DIAPH2: variants seen among roughly 807,000 people sequenced by gnomAD.
DIAPH2 encodes diaphanous related formin 2.
DIAPH2 carries 35 observed loss-of-function variants against 92.7 expected under a neutral mutation model. That is an observed-to-expected ratio of 0.38 (90% confidence interval 0.29 to 0.50). The LOEUF (loss-of-function observed/expected upper bound fraction) is 0.50. Among genes scored for constraint, DIAPH2 ranks in the 20% least tolerant of loss-of-function variants. The probability of loss-of-function intolerance (pLI) is 0.94; values close to 1 mark genes in which losing one functional copy is unlikely to be tolerated. For missense variants in DIAPH2, 701 were observed against 819.5 expected, an observed-to-expected ratio of 0.86 and a Z score of 1.77; for synonymous variants, 301 against 280.4, an observed-to-expected ratio of 1.07 and a Z score of -0.73.
chrX:97,512,098 T>G (rs2070899246), intron 26 of DIAPH2, among the ~76,000 whole-genome samples: 1 of 112,887 alleles, frequency 8.9e-6, no homozygotes, highest in Non-Finnish European at 1.9e-5. Context: ...CAGTTCCTCC[T>G]TGTACCTCTG....
chrX:97,351,663 C>T (rs1321312255), intron 24 of DIAPH2, among the ~76,000 whole-genome samples: 7 of 110,670 alleles, frequency 6.3e-5, no homozygotes, highest in Non-Finnish European at 1.1e-4. Flanking sequence ...ATTAGCCGGG[C>T]GTGGTGGCGG....
intron 17 of DIAPH2, among the ~76,000 whole-genome samples, chrX:97,025,678 C>A (rs930699848): frequency 3.0e-4 from 33 of 109,752 alleles, no homozygotes; most frequent in Non-Finnish European, 3.8e-4. Flanking sequence ...AACAAACAAA[C>A]AAAAAAACAA....
chrX:96,962,270 T>TATAC (rs1195638096), intron 16 of DIAPH2, among the ~76,000 whole-genome samples: 3 of 83,363 alleles, frequency 3.6e-5, no homozygotes, highest in African/African-American at 1.3e-4. Flanking sequence ...TCTATATATA[T>TATAC]ATACATATAT....
chrX:96,942,563 T>C (rs775976338), intron 13 of DIAPH2, among the ~76,000 whole-genome samples: 119 of 111,361 alleles, frequency 1.1e-3, no homozygotes, highest in Non-Finnish European at 2.1e-3. Context: ...AGAAAAGAAA[T>C]ACAGGCTCAT....
rs376871842 is a variant in DIAPH2 at position 97,185,343 on chromosome X, A to G, written c.2719+43549A>G. On this transcript the variant is annotated intron_variant, in intron 22 of 26. Transcript: ENST00000324765. ...TATATATGTGTATATATATATATGT[A>G]TATATATATGTGTGTATATATATAT... is the stretch of plus-strand genomic sequence containing the variant. Among the ~76,000 whole-genome samples the G allele has an allele frequency of 1.2e-3, 5 of 4,030 alleles. 1 individual carries two copies. The Admixed American group carries it at 0.025, about 20-fold the overall frequency. The allele number at this position is 4,030 out of a possible 115,157, so 3.5% of individuals were successfully genotyped here.
intron 17 of DIAPH2, among the ~76,000 whole-genome samples, chrX:97,024,294 A>C (rs753275335): frequency 8.9e-6 from 1 of 112,433 alleles, no homozygotes; most frequent in Non-Finnish European, 1.9e-5. Flanking sequence ...AATGTTACCA[A>C]ACTCTTCTAA....
intron 26 of DIAPH2, among the ~76,000 whole-genome samples, chrX:97,558,546 T>C (rs2071272476): frequency 9.0e-6 from 1 of 111,074 alleles, no homozygotes; most frequent in Admixed American, 9.6e-5. Flanking sequence ...ACAAAGGAGT[T>C]AGAACTTTTA....
intron 17 of DIAPH2, among the ~76,000 whole-genome samples, chrX:97,063,543 T>TATGGGGAATAA (rs2066614777): frequency 8.9e-6 from 1 of 111,921 alleles, no homozygotes; most frequent in African/African-American, 3.2e-5. Context: ...TGTGAGACTA[T>TATGGGGAATAA]ATGGGGAATA....
chrX:97,292,292 C>G (rs2068598600), intron 23 of DIAPH2, among the ~76,000 whole-genome samples: 1 of 110,566 alleles, frequency 9.0e-6, no homozygotes, highest in Admixed American at 9.7e-5. Flanking sequence ...TGTCACCCTC[C>G]TAATATAGAA....
chrX:97,235,772 T>G (rs1248012752), intron 22 of DIAPH2, among the ~76,000 whole-genome samples: 1 of 110,651 alleles, frequency 9.0e-6, no homozygotes, highest in Non-Finnish European at 1.9e-5. Flanking sequence ...ATCCATTATT[T>G]TGTTAGTAGA....
intron 21 of DIAPH2, among the ~76,000 whole-genome samples, chrX:97,120,694 CCTT>C (rs1039718640): frequency 2.0e-5 from 2 of 99,405 alleles, no homozygotes; most frequent in African/African-American, 7.7e-5. Flanking sequence ...AGACAATTCT[CCTT>C]CTTCTAATGT....
chrX:97,016,798 A>C (rs1413759528), intron 17 of DIAPH2, among the ~76,000 whole-genome samples: 1 of 112,541 alleles, frequency 8.9e-6, no homozygotes, highest in Admixed American at 9.4e-5. Flanking sequence ...CTCTTAAAGT[A>C]TATCATTGCT....
At chrX:97,071,666 A>G (rs1486161676) in intron 17 of DIAPH2, among the ~76,000 whole-genome samples, 1 of 111,664 alleles carries the variant, frequency 9.0e-6, no homozygotes, top group Non-Finnish European at 1.9e-5. Context: ...AAAACAAAGG[A>G]AGTCTTAACG....
At chrX:97,176,825 C>A (rs2147459179) in intron 22 of DIAPH2, among the ~76,000 whole-genome samples, 1 of 111,681 alleles carries the variant, frequency 9.0e-6, no homozygotes, top group South Asian at 3.7e-4. Context: ...CCGCGCCTGG[C>A]CGAAGTATTG....
chrX:97,047,241 T>G lies in DIAPH2; in HGVS notation c.2051-25700T>G, dbSNP rs73632875. 7.9e-3 allele frequency among the ~76,000 whole-genome samples: 882 copies of G among 111,208 alleles called. 13 individuals are homozygous for G. The highest frequency in any genetic ancestry group is 0.028 in the African/African-American group (850 of 30,637). On this transcript the variant is annotated intron_variant, in intron 17 of 26. Coordinates refer to ENST00000324765, the MANE Select transcript of DIAPH2 (RefSeq NM_006729.5). The stretch of plus-strand genomic sequence containing the variant: ...AATGAAATATTGGCAAACCAATTAC[T>G]TTATAGAACGATGACTGAATGAAAA...
Position 97,099,741 on chromosome X carries a change from A to C in DIAPH2, c.2295A>C (p.Ala765=), listed in dbSNP as rs745483588. 2.5e-6 allele frequency: 3 copies of C among 1,188,904 alleles called. No individual in the cohort carries two copies. In the East Asian group the frequency reaches 9.3e-5, roughly 37 times the overall value. The change falls in exon 20 of 27, where the codon GCA becomes GCC. Residue 765 remains alanine (A), a synonymous_variant. Transcript: ENST00000324765. The part of the protein sequence containing the change: ...LPEQKILNEL[A]ELKNEYDDLC... Reference sequence around the variant, plus strand: ...AGCAGAAGATACTCAACGAATTAGCAGAGCTTAAGAATGAATATGATGACC... The same window carrying C: ...AGCAGAAGATACTCAACGAATTAGCCGAGCTTAAGAATGAATATGATGACC...
At chrX:97,507,773 TC>T (rs925527566) in intron 26 of DIAPH2, among the ~76,000 whole-genome samples, 1 of 111,613 alleles carries the variant, frequency 9.0e-6, no homozygotes, top group African/African-American at 3.3e-5. Context: ...TGGCAGCTTT[TC>T]ATAAAGTCAG....
In DIAPH2 at chrX:96,761,819, G is replaced by A. The variant is rs2064271214; in HGVS notation, c.447+3561G>A. 2.7e-5 allele frequency among the ~76,000 whole-genome samples: 3 copies of A among 110,339 alleles called. No individual in the cohort carries two copies. The Admixed American group carries it at 2.9e-4, about 11-fold the overall frequency. On this transcript the variant is annotated intron_variant, in intron 4 of 26. Transcript: ENST00000324765. The stretch of plus-strand genomic sequence containing the variant: ...CTTTTCGGTGGGAGGAAATAATTGA[G>A]GTCAATAGCATATCTTTTAATTCAG...
chrX:96,873,172 A>G (rs755871841), intron 4 of DIAPH2, among the ~76,000 whole-genome samples: 2 of 111,654 alleles, frequency 1.8e-5, no homozygotes, highest in Admixed American at 9.6e-5. Context: ...CTTTTCTCCA[A>G]CAATGCATGA....
Sources: allele counts gnomAD v4.1 joint callset (sites outside exome capture counted in the v4.1 genomes callset), GRCh38; gene constraint gnomAD v4.1.1; transcripts MANE v1.5; gene names NCBI Gene and HGNC (gene_info 2026-07-23, HGNC 2026-07-21).